ACSS3: variants seen among roughly 807,000 people sequenced by gnomAD.
ACSS3 encodes acyl-CoA synthetase short-chain family member 3, mitochondrial.
Under a neutral mutation model 84.2 loss-of-function variants are expected in ACSS3, and 64 were observed. The ratio of observed to expected loss-of-function variants is 0.76; its 90% CI spans 0.62 to 0.94. The LOEUF is 0.94. ACSS3 is among the 40% of genes least tolerant of loss of function. The pLI is 0.00. For missense variants in ACSS3, 815 were observed against 867.6 expected (o/e 0.94, Z 0.76); for synonymous variants, 317 against 310.1 (o/e 1.02, Z -0.23).
intron 7 of ACSS3, among the ~76,000 whole-genome samples, chr12:81,156,560 A>C (rs1370445083): frequency 6.6e-6 from 1 of 152,180 alleles, no homozygotes; most frequent in Non-Finnish European, 1.5e-5. Context: ...AAGCCTAGCA[A>C]AGAAAAGAGA....
Position 81,130,630 on chromosome 12 carries a change from A to G in ACSS3, c.457-4186A>G, listed in dbSNP as rs577184353. ...TTGCTATGCAGAAGCTCTTTAGTTT[A>G]ATTAGATCCCATTTGTCTATTTTGG... On this transcript the variant is annotated intron_variant, in intron 2 of 15. Transcript: ENST00000548058. 4.5e-3 allele frequency among the ~76,000 whole-genome samples: 680 copies of G among 152,220 alleles called. 3 individuals carry two copies. The highest frequency in any genetic ancestry group is 0.016 in the African/African-American group (644 of 41,526).
At chr12:81,187,161 A>C (rs2031311125) in intron 8 of ACSS3, among the ~76,000 whole-genome samples, 1 of 151,806 alleles carries the variant, frequency 6.6e-6, no homozygotes, top group African/African-American at 2.4e-5. Context: ...AACAAAAAAA[A>C]ATCAAAAATA....
chr12:81,135,304 A>T (rs1885732548), intron 3 of ACSS3, among the ~76,000 whole-genome samples: 1 of 145,304 alleles, frequency 6.9e-6, no homozygotes, highest in Non-Finnish European at 1.5e-5. Flanking sequence ...TATAATATAT[A>T]TTATATATCA....
rs34272667 is a variant in ACSS3, at chr12:81,253,661, G to A, written c.1986G>A (p.Lys662=). 40,717 of 1,612,202 alleles carry A rather than the reference G, an allele frequency of 0.025. 1,056 individuals carry two copies. The highest frequency in any genetic ancestry group is 0.13 in the African/African-American group (9,657 of 74,922). ...CTTTATCTGCCATTGTCAATGGCAA[G>A]CCATACAAGGTAAATTATCAAAGAT... ...RSALSAIVNG[K]PYKITSTIED... Residue 662 remains lysine (K), a synonymous_variant, in exon 15 of 16, where the codon AAG becomes AAA. Coordinates refer to ENST00000548058, the MANE Select transcript of ACSS3 (RefSeq NM_024560.4).
chr12:81,216,455 G>A (rs2032919947), intron 9 of ACSS3, among the ~76,000 whole-genome samples: 1 of 152,270 alleles, frequency 6.6e-6, no homozygotes, highest in African/African-American at 2.4e-5. Flanking sequence ...TCCGGAGAAT[G>A]AGCTAGAAAT....
rs2034383737 is a variant in ACSS3 at position 81,258,090 on chromosome 12, C to A, written c.*3168C>A. 1 of 152,016 alleles carries A rather than the reference C, an allele frequency of 6.6e-6. No individual in the cohort carries two copies. Among genetic ancestry groups the A allele is most frequent in the Non-Finnish European group, 1.5e-5 (1 of 67,974 alleles). 9.4% of individuals were successfully genotyped at this position (152,016 alleles called of 1,614,324 possible). Reference sequence around the variant, plus strand: ...CTACTTCTCATTGTTCCTACTCAGGCCACATTTTTAGAAAAAAATTTTAAG... The same window carrying A: ...CTACTTCTCATTGTTCCTACTCAGGACACATTTTTAGAAAAAAATTTTAAG... On this transcript the variant is annotated 3_prime_UTR_variant, in exon 16 of 16. Transcript: ENST00000548058.
chr12:81,132,470 T>A (rs1336969003), intron 2 of ACSS3, among the ~76,000 whole-genome samples: 1 of 152,198 alleles, frequency 6.6e-6, no homozygotes, highest in African/African-American at 2.4e-5. Context: ...GGATCGGTGG[T>A]GATATCCCCT....
chr12:81,243,481 A>G (rs1859944366), intron 13 of ACSS3, among the ~76,000 whole-genome samples: 1 of 152,196 alleles, frequency 6.6e-6, no homozygotes, highest in African/African-American at 2.4e-5. Context: ...GCTACCAATG[A>G]CTTTCTTCAC....
chr12:81,173,898 C>T (rs2030269001), intron 7 of ACSS3, among the ~76,000 whole-genome samples: 1 of 151,796 alleles, frequency 6.6e-6, no homozygotes, highest in Non-Finnish European at 1.5e-5. Flanking sequence ...ATTAAAACAC[C>T]CTGTTGCCAT....
rs2034293800 is a variant in ACSS3 at position 81,256,291 on chromosome 12, A to T, written c.*1369A>T. 1 of 152,228 alleles carries T rather than the reference A, an allele frequency of 6.6e-6. No individual in the cohort carries two copies. The highest frequency in any genetic ancestry group is 1.9e-4 in the East Asian group (1 of 5,198). 9.4% of individuals were successfully genotyped at this position (152,228 alleles called of 1,614,324 possible). On this transcript the variant is annotated 3_prime_UTR_variant, in exon 16 of 16. Transcript: ENST00000548058. ...ATGTGAAATCTCTAATTTTAAAATA[A>T]TAACTCATTAAAAATATTGTAATGT...
At chr12:81,089,053 T>C (rs991826402) in intron 1 of ACSS3, among the ~76,000 whole-genome samples, 7 of 151,964 alleles carry the variant, frequency 4.6e-5, no homozygotes, top group African/African-American at 1.7e-4. Context: ...TTAAAACTAC[T>C]CTGTTGATTT....
chr12:81,111,056 G>A (rs547203617), intron 2 of ACSS3, among the ~76,000 whole-genome samples: 1 of 152,274 alleles, frequency 6.6e-6, no homozygotes, highest in African/African-American at 2.4e-5. Flanking sequence ...AGAGAGAAGA[G>A]TTAGACCAGT....
At chr12:81,160,236 G>C (rs557171805) in intron 7 of ACSS3, among the ~76,000 whole-genome samples, 1 of 152,154 alleles carries the variant, frequency 6.6e-6, no homozygotes, top group Non-Finnish European at 1.5e-5. Context: ...AGGGATATAA[G>C]TTTGCTCTCA....
chr12:81,139,704 C>A (rs1054754855), intron 4 of ACSS3, among the ~76,000 whole-genome samples: 6 of 150,548 alleles, frequency 4.0e-5, no homozygotes, highest in Non-Finnish European at 3.0e-5. Context: ...TGGCCGATGT[C>A]CGCTCATTGC....
At chr12:81,136,552 C>T (rs538595728) in intron 3 of ACSS3, among the ~76,000 whole-genome samples, 1 of 152,040 alleles carries the variant, frequency 6.6e-6, no homozygotes, top group South Asian at 2.1e-4. Context: ...TAGATCTTGG[C>T]TAAGATTCAG....
chr12:81,167,157 G>A (rs1393182782), intron 7 of ACSS3, among the ~76,000 whole-genome samples: 1 of 152,154 alleles, frequency 6.6e-6, no homozygotes, highest in Non-Finnish European at 1.5e-5. Flanking sequence ...TCCATTCTCT[G>A]CTTCATTTAC....
intron 8 of ACSS3, among the ~76,000 whole-genome samples, chr12:81,193,494 G>A (rs2031680976): frequency 6.6e-6 from 1 of 151,606 alleles, no homozygotes; most frequent in South Asian, 2.1e-4. Flanking sequence ...TTAGTCTTGT[G>A]TTCAATTTTA....
Position 81,259,395 on chromosome 12 carries a change from A to G in ACSS3, c.*4473A>G, listed in dbSNP as rs1182947090. On this transcript the variant is annotated 3_prime_UTR_variant, in exon 16 of 16. Coordinates refer to ENST00000548058, the MANE Select transcript of ACSS3 (RefSeq NM_024560.4). ...TATATTACAATAAAACATGAAAAACAACTGGCTTCATTTCATAAAAGCATC... is the reference window on the plus strand; with the variant it reads ...TATATTACAATAAAACATGAAAAACGACTGGCTTCATTTCATAAAAGCATC... The G allele has an allele frequency of 3.1e-6, 2 of 640,274 alleles. No homozygotes were observed. Among genetic ancestry groups the G allele is most frequent in the African/African-American group, 1.8e-5 (1 of 55,142 alleles). The allele number at this position is 640,274 out of a possible 1,614,324, so 39.7% of individuals were successfully genotyped here.
At chr12:81,089,448 C>A (rs904890281) in intron 1 of ACSS3, among the ~76,000 whole-genome samples, 1 of 151,862 alleles carries the variant, frequency 6.6e-6, no homozygotes, top group Non-Finnish European at 1.5e-5. Flanking sequence ...TAATAATATC[C>A]CATTTTTTAG....
Sources: gnomAD v4.1 joint callset for allele counts (sites outside exome capture counted in the v4.1 genomes callset) on GRCh38, gnomAD v4.1.1 for gene constraint, MANE v1.5 for transcripts, NCBI Gene and HGNC (gene_info 2026-07-23, HGNC 2026-07-21) for gene names.